The following FHIT variants were observed in gnomAD, a reference collection of about 807,000 sequenced individuals.
FHIT encodes the protein bis(5'-adenosyl)-triphosphatase.
In FHIT, 19 loss-of-function variants were observed where a neutral mutation model predicts 17.9. The observed-to-expected ratio is 1.06, with a 90% CI of 0.74 to 1.56. The LOEUF (loss-of-function observed/expected upper bound fraction) is 1.56, where lower values mean the gene tolerates loss of function less well. FHIT is among the 40% of genes most tolerant of loss of function. The pLI is 0.00. For synonymous variants in FHIT, 81 were observed against 69.7 expected (o/e 1.16, Z -0.81); for missense variants, 248 against 189.2 (o/e 1.31, Z -1.82).
At chr3:61,101,424 T>G (rs959455520) in intron 2 of FHIT, among the ~76,000 whole-genome samples, 12 of 152,352 alleles carry the variant, frequency 7.9e-5, no homozygotes, top group African/African-American at 2.9e-4. Flanking sequence ...TCTATCTCTC[T>G]GTTTTGGTGC....
chr3:61,140,772 C>T (rs1396980501), intron 2 of FHIT, among the ~76,000 whole-genome samples: 3 of 152,120 alleles, frequency 2.0e-5, no homozygotes, highest in Non-Finnish European at 2.9e-5. Flanking sequence ...ACATAGCATA[C>T]CAGTTCATTA....
intron 8 of FHIT, among the ~76,000 whole-genome samples, chr3:59,795,883 T>C (rs1266483203): frequency 1.3e-5 from 2 of 152,208 alleles, no homozygotes; most frequent in Non-Finnish European, 2.9e-5. Context: ...TGTACCGGTC[T>C]CCTTGCGGGA....
chr3:60,652,038 G>A (rs1007148744), intron 4 of FHIT, among the ~76,000 whole-genome samples: 5 of 152,170 alleles, frequency 3.3e-5, no homozygotes, highest in African/African-American at 1.2e-4. Context: ...ACACAGCAAA[G>A]GAAACCACAG....
intron 2 of FHIT, among the ~76,000 whole-genome samples, chr3:61,109,604 T>C (rs2036093651): frequency 6.6e-6 from 1 of 152,198 alleles, no homozygotes. Context: ...TCTGGGTCTC[T>C]TCTTCAGCCT....
intron 5 of FHIT, among the ~76,000 whole-genome samples, chr3:60,171,335 A>C (rs1019897702): frequency 6.6e-6 from 1 of 152,176 alleles, no homozygotes; most frequent in African/African-American, 2.4e-5. Flanking sequence ...ACAACTACAT[A>C]TTGAGAGGAA....
At chr3:61,238,796 C>T (rs1390954016) in intron 1 of FHIT, among the ~76,000 whole-genome samples, 1 of 152,154 alleles carries the variant, frequency 6.6e-6, no homozygotes, top group Non-Finnish European at 1.5e-5. Flanking sequence ...TAAAAGATCC[C>T]AAACTGTCAG....
Position 60,389,229 on chromosome 3 carries a change from G to T in FHIT, c.103+147631C>A, listed in dbSNP as rs140011481. 4.8e-3 allele frequency among the ~76,000 whole-genome samples: 737 copies of T among 152,254 alleles called. 2 individuals are homozygous for T. Among genetic ancestry groups the T allele is most frequent in the Middle Eastern group, 0.02 (6 of 294 alleles). ...GACTTGTTATGTTAGAAACTCTGGAGCAAGGGCCTACCTGCCTGTGATTTC... is the reference window on the plus strand; with the variant it reads ...GACTTGTTATGTTAGAAACTCTGGATCAAGGGCCTACCTGCCTGTGATTTC... On this transcript the variant is annotated intron_variant, in intron 5 of 9. Coordinates refer to ENST00000492590, the MANE Select transcript of FHIT (RefSeq NM_002012.4).
intron 4 of FHIT, chr3:60,617,947 AT>A: frequency 3.8e-6 from 1 of 265,832 alleles, no homozygotes; most frequent in Non-Finnish European, 7.6e-6. Context: ...TGGGTTCTGG[AT>A]TCAAGCATAA....
intron 2 of FHIT, among the ~76,000 whole-genome samples, chr3:61,137,674 C>G (rs1244381272): frequency 6.6e-6 from 1 of 152,126 alleles, no homozygotes; most frequent in Non-Finnish European, 1.5e-5. Flanking sequence ...TAACAGACAT[C>G]CATTGAAACT....
intron 4 of FHIT, among the ~76,000 whole-genome samples, chr3:60,776,069 C>T (rs994851025): frequency 3.3e-5 from 5 of 152,112 alleles, no homozygotes; most frequent in African/African-American, 7.2e-5. Flanking sequence ...GGCTAGCCTC[C>T]ACCCACCCCC....
chr3:60,020,485 G>C (rs536298889), intron 5 of FHIT, among the ~76,000 whole-genome samples: 2 of 152,272 alleles, frequency 1.3e-5, no homozygotes, highest in Admixed American at 6.5e-5. Flanking sequence ...ATTTTGATTA[G>C]GCTGATTAGC....
At chr3:60,969,730 T>G (rs1267388983) in intron 3 of FHIT, among the ~76,000 whole-genome samples, 1 of 152,178 alleles carries the variant, frequency 6.6e-6, no homozygotes, top group Non-Finnish European at 1.5e-5. Flanking sequence ...TGTTCAGAAG[T>G]GCTTATGTCT....
At chr3:59,805,984 G>A (rs1425472356) in intron 8 of FHIT, among the ~76,000 whole-genome samples, 6 of 151,936 alleles carry the variant, frequency 3.9e-5, no homozygotes, top group East Asian at 1.9e-4. Flanking sequence ...GATCGAGACC[G>A]TCCTGGCTAA....
At chr3:59,886,182 T>C (rs565467589) in intron 8 of FHIT, 2 of 152,236 alleles carry the variant, frequency 1.3e-5, no homozygotes, top group Non-Finnish European at 2.9e-5. Flanking sequence ...ATTCCTATCA[T>C]ATGTGACAGT....
chr3:60,409,116 T>G (rs1428874270), intron 5 of FHIT, among the ~76,000 whole-genome samples: 1 of 152,228 alleles, frequency 6.6e-6, no homozygotes, highest in Non-Finnish European at 1.5e-5. Flanking sequence ...CATTGGATTC[T>G]TGTAAATACT....
chr3:60,683,333 G>A (rs1407619201), intron 4 of FHIT, among the ~76,000 whole-genome samples: 1 of 152,144 alleles, frequency 6.6e-6, no homozygotes, highest in African/African-American at 2.4e-5. Flanking sequence ...AGAAGCCACT[G>A]ATGTTGAAAA....
intron 5 of FHIT, among the ~76,000 whole-genome samples, chr3:60,094,664 C>T (rs1232073763): frequency 6.6e-6 from 1 of 152,148 alleles, no homozygotes; most frequent in Admixed American, 6.5e-5. Context: ...GCCAAAGCCA[C>T]ATCATTTTCC....
At chr3:60,637,741 A>G (rs1277375751) in intron 4 of FHIT, among the ~76,000 whole-genome samples, 1 of 152,230 alleles carries the variant, frequency 6.6e-6, no homozygotes, top group East Asian at 1.9e-4. Flanking sequence ...GGTTATTATT[A>G]TGATTAGTCT....
chr3:60,188,918 T>TAC (rs1336353461), intron 5 of FHIT, among the ~76,000 whole-genome samples: 1 of 152,130 alleles, frequency 6.6e-6, no homozygotes, highest in Admixed American at 6.6e-5. Context: ...AAAAATAGAT[T>TAC]ACACTTCTAT....
Sources: allele counts gnomAD v4.1 joint callset (sites outside exome capture counted in the v4.1 genomes callset), GRCh38; gene constraint gnomAD v4.1.1; transcripts MANE v1.5; gene names NCBI Gene and HGNC (gene_info 2026-07-23, HGNC 2026-07-21).